Variants in RANBP2 observed in about 807,000 individuals in gnomAD.
The protein encoded by RANBP2 is E3 SUMO-protein ligase RanBP2.
Under a neutral mutation model 303.6 loss-of-function variants are expected in RANBP2, and 57 were observed. That is an observed-to-expected ratio of 0.19 (90% CI 0.15 to 0.23). The LOEUF is 0.23. Ranked by LOEUF, RANBP2 falls within the 10% of genes least tolerant of loss-of-function variation. The pLI is 1.00. For missense variants in RANBP2, 3,138 were observed against 3,780.8 expected (o/e 0.83, Z 4.46); for synonymous variants, 1,167 against 1,301.5 (o/e 0.90, Z 2.23).
chr2:109,280,359 C>T, the RANBP2 span, among the ~76,000 whole-genome samples: 1 of 152,264 alleles, frequency 6.6e-6, no homozygotes, highest in Non-Finnish European at 1.5e-5. Flanking sequence ...GCAGTGGGCT[C>T]TGAGGGGCTC....
chr2:109,574,630 T>C, the RANBP2 span: 4 of 1,604,050 alleles, frequency 2.5e-6, no homozygotes, highest in South Asian at 1.1e-5. Context: ...CTTCAGAGAG[T>C]GGCCTGTCGG....
chr2:109,039,833 T>G, the RANBP2 span, among the ~76,000 whole-genome samples: 151 of 152,302 alleles, frequency 9.9e-4, 2 homozygotes, highest in African/African-American at 3.4e-3. Flanking sequence ...TGTATCTTTT[T>G]TGTAATAACT....
At chr2:109,020,363 G>A in the RANBP2 span, among the ~76,000 whole-genome samples, 10 of 152,182 alleles carry the variant, frequency 6.6e-5, no homozygotes, top group Admixed American at 5.2e-4. Context: ...GATCAAACGA[G>A]GGAGGTCATG....
At chr2:109,564,225 ATAAT>A in the RANBP2 span, 8 of 709,492 alleles carry the variant, frequency 1.1e-5, no homozygotes, top group Non-Finnish European at 1.6e-5. Context: ...AAGAAGCACA[ATAAT>A]TAGTCATTAC....
At chr2:108,834,570 G>A in the RANBP2 span, among the ~76,000 whole-genome samples, 4 of 152,136 alleles carry the variant, frequency 2.6e-5, no homozygotes, top group Non-Finnish European at 5.9e-5. Context: ...CAATCCATGA[G>A]CATATGATTT....
chr2:109,410,555 T>C, the RANBP2 span, among the ~76,000 whole-genome samples: 3 of 152,200 alleles, frequency 2.0e-5, no homozygotes, highest in Non-Finnish European at 4.4e-5. Flanking sequence ...ACTGGGCTCA[T>C]GTGAAATGCT....
the RANBP2 span, among the ~76,000 whole-genome samples, chr2:109,269,130 TG>T: frequency 6.6e-6 from 1 of 152,206 alleles, no homozygotes; most frequent in Non-Finnish European, 1.5e-5. Context: ...TGAGTGGCAT[TG>T]GAAGCGTGGG....
At chr2:109,155,428 G>A in the RANBP2 span, among the ~76,000 whole-genome samples, 3 of 152,012 alleles carry the variant, frequency 2.0e-5, no homozygotes, top group East Asian at 3.9e-4. Flanking sequence ...TCGGCCTCCC[G>A]AGTAGCTGGG....
the RANBP2 span, among the ~76,000 whole-genome samples, chr2:109,033,982 G>C: frequency 2.0e-5 from 3 of 146,862 alleles, no homozygotes; most frequent in Non-Finnish European, 4.5e-5. Flanking sequence ...GTAAGGTTCA[G>C]CCAGGTGTGT....
chr2:109,062,453 AC>A, the RANBP2 span, among the ~76,000 whole-genome samples: 1,267 of 152,076 alleles, frequency 8.3e-3, 11 homozygotes, highest in East Asian at 0.042. Flanking sequence ...CCTGGCTTGC[AC>A]TCCTGGTAAA....
chr2:108,820,035 A>G, the RANBP2 span, among the ~76,000 whole-genome samples: 4 of 152,230 alleles, frequency 2.6e-5, no homozygotes, highest in Non-Finnish European at 5.9e-5. Flanking sequence ...GCTGAAAAAT[A>G]CAATATCTGA....
At chr2:109,343,961 C>T in the RANBP2 span, among the ~76,000 whole-genome samples, 173 of 152,230 alleles carry the variant, frequency 1.1e-3, no homozygotes, top group Non-Finnish European at 1.6e-3. Flanking sequence ...CCAGGCTAGC[C>T]TTAAACTCCT....
the RANBP2 span, among the ~76,000 whole-genome samples, chr2:109,400,410 A>G: frequency 6.6e-6 from 1 of 152,118 alleles, no homozygotes; most frequent in South Asian, 2.1e-4. Flanking sequence ...ATATACACAT[A>G]TACACCTGTG....
chr2:109,432,011 C>T, the RANBP2 span, among the ~76,000 whole-genome samples: 10 of 152,194 alleles, frequency 6.6e-5, no homozygotes, highest in African/African-American at 2.4e-4. Context: ...ATAAGCCAGG[C>T]AGGAAAACCA....
At chr2:108,732,473 A>G (rs1297957430) in intron 4 of RANBP2, among the ~76,000 whole-genome samples, 1 of 152,204 alleles carries the variant, frequency 6.6e-6, no homozygotes, top group Non-Finnish European at 1.5e-5. Flanking sequence ...GTCTGAAAAA[A>G]TTCAAAATCT....
chr2:109,741,412 A>G, the RANBP2 span, among the ~76,000 whole-genome samples: 2 of 151,954 alleles, frequency 1.3e-5, no homozygotes, highest in East Asian at 3.9e-4. Flanking sequence ...ACTTGGTAAA[A>G]AGCATCTATA....
At chr2:109,492,269 C>A in the RANBP2 span, among the ~76,000 whole-genome samples, 1 of 152,210 alleles carries the variant, frequency 6.6e-6, no homozygotes, top group Non-Finnish European at 1.5e-5. Context: ...AGCTCTAAGA[C>A]TACACAAATT....
At chr2:109,214,513 C>T in the RANBP2 span, among the ~76,000 whole-genome samples, 3 of 151,742 alleles carry the variant, frequency 2.0e-5, no homozygotes, top group African/African-American at 7.3e-5. Context: ...CAGCCAGGCC[C>T]TGGCGTAGAA....
At chr2:109,612,193 A>G in the RANBP2 span, among the ~76,000 whole-genome samples, 1 of 152,240 alleles carries the variant, frequency 6.6e-6, no homozygotes, top group Non-Finnish European at 1.5e-5. Context: ...GTTGAAAAAA[A>G]AAAAATCCAA....
Sources: allele counts gnomAD v4.1 joint callset (sites outside exome capture counted in the v4.1 genomes callset), GRCh38; gene constraint gnomAD v4.1.1; transcripts MANE v1.5; gene names NCBI Gene and HGNC (gene_info 2026-07-23, HGNC 2026-07-21).